TAF1B: variants seen among roughly 807,000 people sequenced by gnomAD.
TAF1B encodes the protein TATA-box binding protein associated factor, RNA polymerase I subunit B.
TAF1B carries 61 observed loss-of-function variants against 83.9 expected under a neutral mutation model. The observed-to-expected ratio is 0.73, with a 90% CI of 0.59 to 0.90. The LOEUF is 0.90. TAF1B is among the 40% of genes least tolerant of loss of function. TAF1B has a pLI of 0.00. For missense variants in TAF1B, 625 were observed against 677.0 expected, an observed-to-expected ratio of 0.92 and a Z score of 0.85; for synonymous variants, 221 against 224.6, an observed-to-expected ratio of 0.98 and a Z score of 0.14.
chr2:9,864,196 G>T (rs778194667), intron 5 of TAF1B, among the ~76,000 whole-genome samples: 1 of 152,010 alleles, frequency 6.6e-6, no homozygotes, highest in Non-Finnish European at 1.5e-5. Context: ...CTGATAGACC[G>T]CTAGCAAGAC....
chr2:9,892,087 G>C (rs917879876), intron 8 of TAF1B, among the ~76,000 whole-genome samples: 2 of 152,162 alleles, frequency 1.3e-5, no homozygotes, highest in Admixed American at 1.3e-4. Flanking sequence ...TTCATTCATG[G>C]TAAGTGCCCT....
chr2:9,845,103 CTA>C (rs1365684728), intron 1 of TAF1B, 115 bp from the exon 2 acceptor site: 8 of 622,688 alleles, frequency 1.3e-5, no homozygotes, highest in Non-Finnish European at 2.2e-5. Flanking sequence ...TTTTTATTGT[CTA>C]TGATTTTTTA....
At chr2:9,859,517 G>C (rs927147768) in intron 5 of TAF1B, among the ~76,000 whole-genome samples, 2 of 151,736 alleles carry the variant, frequency 1.3e-5, no homozygotes, top group African/African-American at 4.8e-5. Flanking sequence ...CTCCCGAGTA[G>C]CTGGGACTAT....
chr2:9,881,146 C>G (rs893475116), intron 7 of TAF1B, among the ~76,000 whole-genome samples: 7 of 152,000 alleles, frequency 4.6e-5, no homozygotes, highest in Admixed American at 3.9e-4. Flanking sequence ...ACAGCCTGGC[C>G]AACATGGTGA....
intron 8 of TAF1B, among the ~76,000 whole-genome samples, chr2:9,899,132 A>C (rs1228880958): frequency 6.6e-6 from 1 of 152,166 alleles, no homozygotes; most frequent in African/African-American, 2.4e-5. Flanking sequence ...TCCCACGTTG[A>C]AACTCATACC....
intron 6 of TAF1B, among the ~76,000 whole-genome samples, chr2:9,871,057 T>A (rs564777570): frequency 1.9e-4 from 29 of 152,220 alleles, no homozygotes; most frequent in African/African-American, 7.0e-4. Context: ...GTGGCCTGGC[T>A]GACTTTAGGA....
intron 12 of TAF1B, among the ~76,000 whole-genome samples, chr2:9,918,567 C>A (rs1448322126): frequency 1.3e-5 from 2 of 152,112 alleles, no homozygotes; most frequent in Non-Finnish European, 2.9e-5. Flanking sequence ...TCCTTTACAC[C>A]AGGAATAGAA....
intron 12 of TAF1B, among the ~76,000 whole-genome samples, chr2:9,916,798 C>G (rs1665691833): frequency 2.7e-5 from 4 of 149,076 alleles, no homozygotes; most frequent in Non-Finnish European, 1.5e-5. Flanking sequence ...AATTACATCT[C>G]TACTGCTACC....
chr2:9,852,826 A>G (rs181767852), intron 4 of TAF1B, among the ~76,000 whole-genome samples: 1 of 152,330 alleles, frequency 6.6e-6, no homozygotes, highest in African/African-American at 2.4e-5. Context: ...AAAAGAACAG[A>G]GAAAGATCAA....
chr2:9,920,585 G>GT (rs1558268461), intron 14 of TAF1B, among the ~76,000 whole-genome samples: 1 of 117,866 alleles, frequency 8.5e-6, no homozygotes, highest in East Asian at 3.0e-4. Flanking sequence ...GGGGCGGGGG[G>GT]CGGGGGGTCC....
intron 14 of TAF1B, among the ~76,000 whole-genome samples, chr2:9,924,972 G>T (rs557926619): frequency 2.0e-5 from 3 of 152,284 alleles, no homozygotes; most frequent in African/African-American, 7.2e-5. Context: ...TAGGTCAGAA[G>T]ACCTGACTTC....
At chr2:9,851,065 TC>T (rs1302588581) in intron 3 of TAF1B, among the ~76,000 whole-genome samples, 1 of 152,202 alleles carries the variant, frequency 6.6e-6, no homozygotes, top group Admixed American at 6.5e-5. Flanking sequence ...AGTTCACTGT[TC>T]CCTTGTGAGT....
In TAF1B at chr2:9,934,165, T is replaced by C. The variant is rs1319654156; in HGVS notation, c.*181T>C. 2 of 520,046 alleles carry C rather than the reference T, an allele frequency of 3.8e-6. No homozygotes were observed. The highest frequency in any genetic ancestry group is 1.9e-5 in the African/African-American group (1 of 52,706). The allele number at this position is 520,046 out of a possible 1,614,324, so 32.2% of individuals were successfully genotyped here. ...TATATTGTAAAGCAGGTGAGCTTCA[T>C]TTGATTTTATTTTTCAGAGTATGAA... is the stretch of plus-strand genomic sequence containing the variant. On this transcript the variant is annotated 3_prime_UTR_variant, in exon 15 of 15. Transcript: ENST00000263663.
rs1352466991 is a variant in TAF1B, at chr2:9,854,358, C to T, written c.336C>T (p.Tyr112=). Residue 112 remains tyrosine, a synonymous_variant, in exon 5 of 15, where the codon TAC becomes TAT. Coordinates refer to ENST00000263663, the MANE Select transcript of TAF1B (RefSeq NM_005680.3). The part of the protein sequence containing the change: ...NDVLHNFWKR[Y]LQKSKQAYCK... ...TTTTACATAATTTTTGGAAGCGCTA[C>T]CTTCAGAAGAGCAAGCAGGCATATT... 3 of 1,614,050 alleles carry T rather than the reference C, an allele frequency of 1.9e-6. No individual in the cohort carries two copies. In the Admixed American group the frequency reaches 5.0e-5, roughly 27 times the overall value.
chr2:9,884,482 C>T (rs1664610117), intron 8 of TAF1B, among the ~76,000 whole-genome samples: 1 of 152,172 alleles, frequency 6.6e-6, no homozygotes, highest in East Asian at 1.9e-4. Flanking sequence ...GGAGGGTGAG[C>T]GAGATGAAGA....
chr2:9,905,070 G>T, intron 9 of TAF1B, 64 bp downstream of exon 9: 2 of 1,447,006 alleles, frequency 1.4e-6, no homozygotes. Flanking sequence ...GCAGAGTATA[G>T]AATCTTTTCA....
chr2:9,871,782 G>C (rs913972905), intron 6 of TAF1B, among the ~76,000 whole-genome samples: 2 of 152,054 alleles, frequency 1.3e-5, no homozygotes, highest in Admixed American at 6.5e-5. Context: ...TGAGTCTTCT[G>C]TTTGGCGGGT....
intron 14 of TAF1B, among the ~76,000 whole-genome samples, chr2:9,922,222 C>T (rs1365895313): frequency 6.6e-6 from 1 of 152,176 alleles, no homozygotes; most frequent in African/African-American, 2.4e-5. Flanking sequence ...GGGGATAATA[C>T]TGATCTTTTC....
chr2:9,860,867 C>G (rs1663729741), intron 5 of TAF1B, among the ~76,000 whole-genome samples: 1 of 152,146 alleles, frequency 6.6e-6, no homozygotes, highest in Non-Finnish European at 1.5e-5. Flanking sequence ...TTGGAGACAA[C>G]AAATTTGGAC....
Sources: gnomAD v4.1 joint callset for allele counts (sites outside exome capture counted in the v4.1 genomes callset) on GRCh38, gnomAD v4.1.1 for gene constraint, MANE v1.5 for transcripts, NCBI Gene and HGNC (gene_info 2026-07-23, HGNC 2026-07-21) for gene names.